Variants in ADGRB3 observed in about 807,000 individuals in gnomAD.
ADGRB3 encodes brain-specific angiogenesis inhibitor 3.
In ADGRB3, 37 loss-of-function variants were observed where a neutral mutation model predicts 193.4. The ratio of observed to expected loss-of-function variants is 0.19; its 90% CI spans 0.15 to 0.25. The LOEUF (loss-of-function observed/expected upper bound fraction) is 0.25. ADGRB3 is among the 10% of genes least tolerant of loss of function. The pLI is 1.00. For missense variants in ADGRB3, 1,637 were observed against 1,852.9 expected (o/e 0.88, Z 2.14); for synonymous variants, 690 against 644.2 (o/e 1.07, Z -1.08).
At chr6:69,244,870 G>A (rs1470811255) in intron 20 of ADGRB3, among the ~76,000 whole-genome samples, 2 of 152,050 alleles carry the variant, frequency 1.3e-5, no homozygotes, top group Admixed American at 1.3e-4. Context: ...TTAAGTGTAA[G>A]TACCACTTAA....
chr6:69,231,625 A>G (rs910631152), intron 17 of ADGRB3, among the ~76,000 whole-genome samples: 4 of 152,152 alleles, frequency 2.6e-5, no homozygotes, highest in African/African-American at 7.2e-5. Flanking sequence ...AGTTAGGGAG[A>G]ATTGGAGTTT....
At chr6:69,313,884 G>A (rs995881086) in intron 20 of ADGRB3, among the ~76,000 whole-genome samples, 2 of 151,582 alleles carry the variant, frequency 1.3e-5, no homozygotes, top group Non-Finnish European at 3.0e-5. Context: ...TCATTTCTGT[G>A]GTGAGAACAT....
In ADGRB3 at chr6:69,387,777, G is replaced by T. The variant is rs189474752; in HGVS notation, c.4381-926G>T. On this transcript the variant is annotated intron_variant, in intron 31 of 31. Transcript: ENST00000370598. ...CAGATGATGTTTAATATATTGAGTGGAGTTTGGATAGTAATTCAAGTACCT... is the reference window on the plus strand; with the variant it reads ...CAGATGATGTTTAATATATTGAGTGTAGTTTGGATAGTAATTCAAGTACCT... Among the ~76,000 whole-genome samples, 359 of 152,124 alleles carry T rather than the reference G, an allele frequency of 2.4e-3. 6 individuals carry two copies. The highest frequency in any genetic ancestry group is 6.3e-3 in the African/African-American group (261 of 41,510).
intron 20 of ADGRB3, among the ~76,000 whole-genome samples, chr6:69,275,419 G>C (rs1767281466): frequency 6.6e-6 from 1 of 152,130 alleles, no homozygotes; most frequent in African/African-American, 2.4e-5. Flanking sequence ...ATTAGCAACT[G>C]TGATTCCTCA....
Position 69,388,998 on chromosome 6 carries a change from A to C in ADGRB3, c.*107A>C. The C allele has an allele frequency of 6.9e-6, 8 of 1,151,708 alleles. No individual in the cohort carries two copies. The highest frequency in any genetic ancestry group is 9.6e-6 in the Non-Finnish European group (8 of 830,918). 71.3% of individuals were successfully genotyped at this position (1,151,708 alleles called of 1,614,324 possible). Reference sequence around the variant, plus strand: ...GACAGTGTGACTATCTTATGTCAGGACCTTCATGTGCCAAACGTCAGTGGT... The same window carrying C: ...GACAGTGTGACTATCTTATGTCAGGCCCTTCATGTGCCAAACGTCAGTGGT... On this transcript the variant is annotated 3_prime_UTR_variant, in exon 32 of 32. Transcript: ENST00000370598.
In ADGRB3 at chr6:69,031,023, TTTC is replaced by T. The variant is rs1562128750; in HGVS notation, c.2107+12525_2107+12527del. Among the ~76,000 whole-genome samples, 17 of 96,200 alleles carry T rather than the reference TTTC, an allele frequency of 1.8e-4. 1 individual carries two copies. Among genetic ancestry groups the T allele is most frequent in the South Asian group, 2.9e-4 (1 of 3,394 alleles). 63.1% of individuals were successfully genotyped at this position (96,200 alleles called of 152,430 possible). On this transcript the variant is annotated intron_variant, in intron 13 of 31. Transcript: ENST00000370598. ...TTCCTTTCTTTTCTTTTCTTTTTTT[TTTC>T]CTCTTCTCTTCTCTCTTCTCTTCTC... is the stretch of plus-strand genomic sequence containing the variant.
intron 17 of ADGRB3, among the ~76,000 whole-genome samples, chr6:69,192,435 G>C (rs1765210859): frequency 6.6e-6 from 1 of 152,206 alleles, no homozygotes; most frequent in Non-Finnish European, 1.5e-5. Context: ...GGGTGGGTCT[G>C]CCTCTCCCAG....
intron 3 of ADGRB3, among the ~76,000 whole-genome samples, chr6:68,847,751 A>G (rs542711607): frequency 1.3e-5 from 2 of 152,288 alleles, no homozygotes; most frequent in South Asian, 2.1e-4. Context: ...GTTAAAGAAT[A>G]AAGTTATGTT....
intron 3 of ADGRB3, among the ~76,000 whole-genome samples, chr6:68,674,036 T>C (rs1769026147): frequency 2.0e-5 from 3 of 152,132 alleles, no homozygotes; most frequent in Non-Finnish European, 4.4e-5. Context: ...AAAGCCAAAG[T>C]CATTTCTAAA....
At chr6:69,200,352 G>A (rs1257849373) in intron 17 of ADGRB3, among the ~76,000 whole-genome samples, 1 of 152,016 alleles carries the variant, frequency 6.6e-6, no homozygotes, top group East Asian at 1.9e-4. Context: ...AGATGTGGCA[G>A]AGAGAACATT....
rs553761082 is a variant in ADGRB3 at position 69,300,229 on chromosome 6, C to A, written c.2815-24643C>A. 3.9e-5 allele frequency among the ~76,000 whole-genome samples: 6 copies of A among 151,902 alleles called. No individual in the cohort carries two copies. In the South Asian group the frequency reaches 1.2e-3, roughly 32 times the overall value. ...TGAATAACAAAAACTATATGATCATCTCAATAGATGCAGAGAAAACATTTA... is the reference window on the plus strand; with the variant it reads ...TGAATAACAAAAACTATATGATCATATCAATAGATGCAGAGAAAACATTTA... On this transcript the variant is annotated intron_variant, in intron 20 of 31. Coordinates refer to ENST00000370598, the MANE Select transcript of ADGRB3 (RefSeq NM_001704.3).
At chr6:68,712,791 T>C (rs938925381) in intron 3 of ADGRB3, among the ~76,000 whole-genome samples, 2 of 151,994 alleles carry the variant, frequency 1.3e-5, no homozygotes, top group Non-Finnish European at 2.9e-5. Context: ...TGTTTAGTAG[T>C]TAAGGATACT....
At chr6:68,651,199 A>T (rs1410228057) in intron 3 of ADGRB3, among the ~76,000 whole-genome samples, 1 of 152,178 alleles carries the variant, frequency 6.6e-6, no homozygotes, top group East Asian at 1.9e-4. Context: ...GGTTTTTGCA[A>T]CTTAAAGGGC....
At chr6:68,965,737 A>G (rs1206281663) in intron 8 of ADGRB3, among the ~76,000 whole-genome samples, 5 of 152,164 alleles carry the variant, frequency 3.3e-5, no homozygotes, top group Admixed American at 3.3e-4. Context: ...TAGTAAGAGC[A>G]AACAGTGAGA....
Position 68,865,235 on chromosome 6 carries a change from A to G in ADGRB3, c.758-65324A>G, listed in dbSNP as rs945787813. 8.8e-4 allele frequency among the ~76,000 whole-genome samples: 96 copies of G among 109,176 alleles called. 1 individual carries two copies. Among genetic ancestry groups the G allele is most frequent in the African/African-American group, 2.3e-3 (87 of 37,640 alleles). The allele number at this position is 109,176 out of a possible 152,430, so 71.6% of individuals were successfully genotyped here. A position where few individuals can be genotyped will look rare whatever the true frequency, so the allele number is the denominator to read the frequency against. On this transcript the variant is annotated intron_variant, in intron 3 of 31. Transcript: ENST00000370598. ...CCTATCCCCCATTAATATTTTGGATATAATATACATTTTTTTTCTGTGATT... is the reference window on the plus strand; with the variant it reads ...CCTATCCCCCATTAATATTTTGGATGTAATATACATTTTTTTTCTGTGATT...
intron 15 of ADGRB3, among the ~76,000 whole-genome samples, chr6:69,056,257 G>A (rs558181433): frequency 1.8e-4 from 27 of 151,902 alleles, no homozygotes; most frequent in East Asian, 3.9e-4. Flanking sequence ...GTCCATTTGC[G>A]TACCTTCTTT....
At chr6:69,193,809 A>G (rs562471145) in intron 17 of ADGRB3, among the ~76,000 whole-genome samples, 5 of 152,242 alleles carry the variant, frequency 3.3e-5, no homozygotes, top group South Asian at 2.1e-4. Flanking sequence ...TATGTGAACT[A>G]TAAGGCACAG....
intron 3 of ADGRB3, among the ~76,000 whole-genome samples, chr6:68,671,682 A>T (rs549790915): frequency 6.6e-6 from 1 of 152,160 alleles, no homozygotes; most frequent in Admixed American, 6.6e-5. Context: ...GGATTTTTCC[A>T]TCAATAGTCA....
intron 3 of ADGRB3, among the ~76,000 whole-genome samples, chr6:68,905,433 T>C (rs542137136): frequency 6.6e-6 from 1 of 152,176 alleles, no homozygotes; most frequent in Admixed American, 6.6e-5. Flanking sequence ...TCCATCGGGA[T>C]TGAGAAAAAA....
Sources: gnomAD v4.1 joint callset for allele counts (sites outside exome capture counted in the v4.1 genomes callset) on GRCh38, gnomAD v4.1.1 for gene constraint, MANE v1.5 for transcripts, NCBI Gene and HGNC (gene_info 2026-07-23, HGNC 2026-07-21) for gene names.